Variants in TMPRSS11E observed in about 807,000 individuals in gnomAD.
TMPRSS11E encodes the protein transmembrane serine protease 11E, also known as transmembrane protease serine 11E.
In TMPRSS11E, 38 loss-of-function variants were observed where a neutral mutation model predicts 48.1. The ratio of observed to expected loss-of-function variants is 0.79; its 90% CI spans 0.61 to 1.04. The LOEUF (loss-of-function observed/expected upper bound fraction) is 1.04. TMPRSS11E is among the 50% of genes least tolerant of loss of function. TMPRSS11E has a pLI of 0.00. For synonymous variants in TMPRSS11E, 158 were observed against 171.9 expected (o/e 0.92, Z 0.63); for missense variants, 530 against 510.8 (o/e 1.04, Z -0.36).
chr4:68,472,176 C>T (rs1729091873), intron 5 of TMPRSS11E, among the ~76,000 whole-genome samples: 1 of 151,696 alleles, frequency 6.6e-6, no homozygotes, highest in African/African-American at 2.4e-5. Context: ...GATGATAGGT[C>T]CTCACATTTA....
intron 9 of TMPRSS11E, among the ~76,000 whole-genome samples, chr4:68,495,815 G>T (rs1372333462): frequency 1.3e-5 from 2 of 152,008 alleles, no homozygotes; most frequent in Non-Finnish European, 1.5e-5. Context: ...AATTAACCTA[G>T]TTCTATGTTT....
rs749260063 is a variant in TMPRSS11E, at chr4:68,477,545, G to A, written c.884G>A (p.Arg295Lys). 2.5e-6 allele frequency: 4 copies of A among 1,614,096 alleles called. No homozygotes were observed. In the South Asian group the frequency reaches 4.4e-5, roughly 18 times the overall value. Residue 295 changes from arginine (R) to lysine (K), a missense_variant, in exon 8 of 10, where the codon AGA becomes AAA. Coordinates refer to ENST00000305363, the MANE Select transcript of TMPRSS11E (RefSeq NM_014058.4). ...SPVPYTNAVHRVCLPDASYEF... is the reference protein window; with the variant it reads ...SPVPYTNAVHKVCLPDASYEF... The stretch of plus-strand genomic sequence containing the variant: ...GTTCCCTACACAAATGCAGTACATA[G>A]AGTTTGTCTCCCTGATGCATCCTAT...
intron 4 of TMPRSS11E, among the ~76,000 whole-genome samples, chr4:68,471,192 A>C (rs998370844): frequency 6.6e-6 from 1 of 151,772 alleles, no homozygotes; most frequent in African/African-American, 2.4e-5. Flanking sequence ...AGTGATAAAG[A>C]AAAAAGCAGA....
rs1193613841 is a variant in TMPRSS11E, at chr4:68,466,621, T to G, written c.137-10T>G. 1.9e-5 allele frequency: 30 copies of G among 1,610,494 alleles called. No homozygotes were observed. The highest frequency in any genetic ancestry group is 2.5e-5 in the Non-Finnish European group (29 of 1,178,526). On this transcript the variant is annotated splice_polypyrimidine_tract_variant and intron_variant, in intron 2 of 9. Transcript: ENST00000305363. ...AAAATTATGATAGTGTTTTGCTTCT[T>G]TCCTTGTAGATCAAAAGAAGACCTA...
chr4:68,477,780 G>C lies in TMPRSS11E; in HGVS notation c.967+152G>C, dbSNP rs549986541. The C allele has an allele frequency of 7.3e-6, 7 of 959,240 alleles. No homozygotes were observed. The Admixed American group carries it at 1.4e-4, about 19-fold the overall frequency. 59.4% of individuals were successfully genotyped at this position (959,240 alleles called of 1,614,324 possible). A position where few individuals can be genotyped will look rare whatever the true frequency, so the allele number is the denominator to read the frequency against. On this transcript the variant is annotated intron_variant, in intron 8 of 9. Coordinates refer to ENST00000305363, the MANE Select transcript of TMPRSS11E (RefSeq NM_014058.4). ...AAAAGTGAAGTAAATAACTTGGAAG[G>C]CACAAAAATTCCTTCCTGCCTAAGT...
Position 68,461,899 on chromosome 4 carries a change from T to A in TMPRSS11E, c.90T>A (p.Ile30=), listed in dbSNP as rs1560548845. 1.2e-6 allele frequency: 2 copies of A among 1,614,210 alleles called. No individual in the cohort carries two copies. Among genetic ancestry groups the A allele is most frequent in the Non-Finnish European group, 1.7e-6 (2 of 1,180,022 alleles). Residue 30 remains isoleucine, a synonymous_variant, in exon 2 of 10, where the codon ATT becomes ATA. Coordinates refer to ENST00000305363, the MANE Select transcript of TMPRSS11E (RefSeq NM_014058.4). ...VIGLVIFISL[I]VLAVCIGLTV... Reference sequence around the variant, plus strand: ...GCCTCGTCATCTTCATATCCCTGATTGTCCTGGCAGTGTGCATTGGACTCA... The same window carrying A: ...GCCTCGTCATCTTCATATCCCTGATAGTCCTGGCAGTGTGCATTGGACTCA...
At chr4:68,467,849 G>A (rs540150368) in intron 3 of TMPRSS11E, among the ~76,000 whole-genome samples, 59 of 152,200 alleles carry the variant, frequency 3.9e-4, no homozygotes, top group African/African-American at 1.4e-3. Flanking sequence ...AATTAAAAAG[G>A]TCAAGAAGAG....
intron 3 of TMPRSS11E, among the ~76,000 whole-genome samples, chr4:68,466,995 T>G (rs1431552160): frequency 6.6e-6 from 1 of 152,108 alleles, no homozygotes; most frequent in Non-Finnish European, 1.5e-5. Context: ...TCACCTTTCC[T>G]TAGCTAGTGA....
chr4:68,492,787 C>G (rs984686353), intron 9 of TMPRSS11E, among the ~76,000 whole-genome samples: 4 of 152,136 alleles, frequency 2.6e-5, no homozygotes, highest in Admixed American at 6.6e-5. Context: ...AAGGACTCAA[C>G]AGTCATTAAT....
At chr4:68,486,329 G>A (rs1345162369) in intron 9 of TMPRSS11E, among the ~76,000 whole-genome samples, 2 of 152,034 alleles carry the variant, frequency 1.3e-5, no homozygotes, top group South Asian at 2.1e-4. Flanking sequence ...CAGAAATTCT[G>A]GCATGTTGTA....
At chr4:68,492,980 G>A (rs540285817) in intron 9 of TMPRSS11E, among the ~76,000 whole-genome samples, 4 of 152,010 alleles carry the variant, frequency 2.6e-5, no homozygotes, top group South Asian at 4.2e-4. Context: ...TGAAAACATC[G>A]TGCACTTTTA....
intron 1 of TMPRSS11E, among the ~76,000 whole-genome samples, chr4:68,453,094 C>T (rs1478833255): frequency 3.3e-5 from 5 of 151,954 alleles, no homozygotes; most frequent in Non-Finnish European, 5.9e-5. Flanking sequence ...TCTTTTATTC[C>T]CTTAGGCATA....
At chr4:68,479,097 A>G (rs1314900558) in intron 9 of TMPRSS11E, 106 bp downstream of exon 9, 2 of 1,314,306 alleles carry the variant, frequency 1.5e-6, no homozygotes, top group African/African-American at 3.0e-5. Context: ...AGGAGTCACA[A>G]CATCTCACCC....
At chr4:68,461,670 T>G in intron 1 of TMPRSS11E, 151 bp from the exon 2 acceptor site, 1 of 1,225,572 alleles carries the variant, frequency 8.2e-7, no homozygotes. Flanking sequence ...AGGACTGGCC[T>G]CAGCAGCCTG....
In TMPRSS11E at chr4:68,496,987, C is replaced by A; in HGVS notation, c.*183C>A. On this transcript the variant is annotated 3_prime_UTR_variant, in exon 10 of 10. Transcript: ENST00000305363. Reference sequence around the variant, plus strand: ...TGTTCCGCACATAAGCATCCTGCTTCTGCCAGATCAACTCTGTCATCTGTG... The same window carrying A: ...TGTTCCGCACATAAGCATCCTGCTTATGCCAGATCAACTCTGTCATCTGTG... 1.8e-6 allele frequency: 1 copy of A among 566,372 alleles called. No homozygotes were observed. 35.1% of individuals were successfully genotyped at this position (566,372 alleles called of 1,614,324 possible).
chr4:68,469,730 T>G (rs1729013336), intron 4 of TMPRSS11E, among the ~76,000 whole-genome samples: 1 of 151,968 alleles, frequency 6.6e-6, no homozygotes, highest in African/African-American at 2.4e-5. Flanking sequence ...CATATGCTAT[T>G]GAAATACAAG....
chr4:68,460,367 G>A (rs761897853), intron 1 of TMPRSS11E, among the ~76,000 whole-genome samples: 5 of 152,210 alleles, frequency 3.3e-5, no homozygotes, highest in Non-Finnish European at 7.3e-5. Flanking sequence ...ATTGTGAAAT[G>A]CTTTGCTGTT....
chr4:68,490,665 T>A (rs1729689750), intron 9 of TMPRSS11E, among the ~76,000 whole-genome samples: 1 of 151,276 alleles, frequency 6.6e-6, no homozygotes, highest in African/African-American at 2.4e-5. Context: ...GACTTCCCAC[T>A]ACCTCTCCTC....
intron 1 of TMPRSS11E, among the ~76,000 whole-genome samples, chr4:68,449,598 C>G (rs1281212776): frequency 6.6e-6 from 1 of 151,762 alleles, no homozygotes; most frequent in Non-Finnish European, 1.5e-5. Context: ...ATAGGAATCT[C>G]CAGCTCTCAT....
Sources: allele counts gnomAD v4.1 joint callset (sites outside exome capture counted in the v4.1 genomes callset), GRCh38; gene constraint gnomAD v4.1.1; transcripts MANE v1.5; gene names NCBI Gene and HGNC (gene_info 2026-07-23, HGNC 2026-07-21).